CCDC102B: variants seen among roughly 807,000 people sequenced by gnomAD.
The protein encoded by CCDC102B is coiled-coil domain containing 102B.
Under a neutral mutation model 57.4 loss-of-function variants are expected in CCDC102B, and 75 were observed. The ratio of observed to expected loss-of-function variants is 1.31; its 90% confidence interval spans 1.08 to 1.58. The LOEUF (loss-of-function observed/expected upper bound fraction) is 1.58. Ranked by LOEUF, CCDC102B falls within the 40% of genes most tolerant of loss-of-function variation. The probability of loss-of-function intolerance (pLI) is 0.00; values close to 1 mark genes in which losing one functional copy is unlikely to be tolerated. For synonymous variants in CCDC102B, 206 were observed against 201.9 expected (o/e 1.02, Z -0.17); for missense variants, 636 against 582.6 (o/e 1.09, Z -0.94).
chr18:68,836,867 C>G lies in CCDC102B; in HGVS notation c.104C>G (p.Pro35Arg), dbSNP rs1197825566. Reference sequence around the variant, plus strand: ...GGCGACATGGTGGCACCTGCCTCACCCCCCAGGGATACCTGTAATACCTGC... The same window carrying G: ...GGCGACATGGTGGCACCTGCCTCACGCCCCAGGGATACCTGTAATACCTGC... ...SRGDMVAPASPPRDTCNTCFP... is the reference protein window; with the variant it reads ...SRGDMVAPASRPRDTCNTCFP... Residue 35 changes from proline (P) to arginine (R), a missense_variant, in exon 2 of 8, where the codon CCC becomes CGC. Transcript: ENST00000360242. 6.2e-7 allele frequency: 1 copy of G among 1,614,048 alleles called. No individual in the cohort carries two copies. Among genetic ancestry groups the G allele is most frequent in the South Asian group, 1.1e-5 (1 of 91,080 alleles).
In CCDC102B at chr18:68,824,184, G is replaced by C. The variant is rs56773600; in HGVS notation, c.-15-12565G>C. Among the ~76,000 whole-genome samples, 1,351 of 152,186 alleles carry C rather than the reference G, an allele frequency of 8.9e-3. 23 individuals are homozygous for C. The highest frequency in any genetic ancestry group is 0.031 in the African/African-American group (1,282 of 41,538). The stretch of plus-strand genomic sequence containing the variant: ...TTTTCTTTTCGGAATTTTATAGTTT[G>C]AGGTCTTACATTTAAACCTTTAATC... On this transcript the variant is annotated intron_variant, in intron 1 of 7. Transcript: ENST00000360242.
chr18:68,963,608 A>G (rs113812796), intron 6 of CCDC102B, among the ~76,000 whole-genome samples: 12 of 151,758 alleles, frequency 7.9e-5, no homozygotes, highest in South Asian at 2.1e-4. Flanking sequence ...ACTGTTTTCT[A>G]TATTGGGATA....
chr18:68,728,717 A>C (rs752759173), intron 2 of CCDC102B, among the ~76,000 whole-genome samples: 2 of 152,224 alleles, frequency 1.3e-5, no homozygotes, highest in Non-Finnish European at 2.9e-5. Context: ...AATAAGGATC[A>C]ATAATATTCA....
intron 7 of CCDC102B, among the ~76,000 whole-genome samples, chr18:69,032,212 G>T (rs1318608887): frequency 6.6e-6 from 1 of 152,124 alleles, no homozygotes; most frequent in Non-Finnish European, 1.5e-5. Context: ...CCTTCTGAAA[G>T]CAGACATCTG....
chr18:68,715,249 C>G lies in CCDC102B; in HGVS notation c.-246C>G, dbSNP rs1188658667. 4 of 1,334,392 alleles carry G rather than the reference C, an allele frequency of 3.0e-6. No homozygotes were observed. In the Admixed American group the frequency reaches 1.1e-4, roughly 37 times the overall value. 82.7% of individuals were successfully genotyped at this position (1,334,392 alleles called of 1,614,324 possible). A position where few individuals can be genotyped will look rare whatever the true frequency, so the allele number is the denominator to read the frequency against. On this transcript the variant is annotated 5_prime_UTR_variant, in exon 1 of 4. Coordinates refer to the CCDC102B transcript ENST00000578970. ...TTTGCGCTCTCGGTGCCCCCCTCCA[C>G]GCCCAGGAGCGTGGGAACCCTGCTT...
At chr18:68,839,127 C>A (rs2037513831) in intron 3 of CCDC102B, 2 of 577,338 alleles carry the variant, frequency 3.5e-6, no homozygotes, top group Non-Finnish European at 6.1e-6. Flanking sequence ...GTTTTCCATT[C>A]TTTTAAGTTG....
intron 6 of CCDC102B, among the ~76,000 whole-genome samples, chr18:68,965,171 C>T (rs912742061): frequency 2.0e-5 from 3 of 151,896 alleles, no homozygotes; most frequent in African/African-American, 4.8e-5. Flanking sequence ...TCCTATCCTT[C>T]TAGGACTCCA....
At chr18:68,891,633 G>C (rs2040082427) in intron 5 of CCDC102B, among the ~76,000 whole-genome samples, 2 of 152,196 alleles carry the variant, frequency 1.3e-5, no homozygotes, top group African/African-American at 4.8e-5. Context: ...TGATCAAAGT[G>C]CTGGCAAGTT....
chr18:69,053,994 T>G, intron 7 of CCDC102B, 36 bp from the exon 8 acceptor site: 1 of 1,558,140 alleles, frequency 6.4e-7, no homozygotes, highest in Non-Finnish European at 8.7e-7. Flanking sequence ...ATAGAACACT[T>G]GAACCTAACT....
chr18:68,735,175 C>T (rs942374618), intron 2 of CCDC102B, among the ~76,000 whole-genome samples: 1 of 152,104 alleles, frequency 6.6e-6, no homozygotes, highest in Admixed American at 6.6e-5. Flanking sequence ...CCTCAGCCTC[C>T]TGAGTAACTG....
rs1003735708 is a variant in CCDC102B, at chr18:68,720,695, A to G, written c.-67+4101A>G. Among the ~76,000 whole-genome samples, 42 of 151,942 alleles carry G rather than the reference A, an allele frequency of 2.8e-4. 1 individual carries two copies. The highest frequency in any genetic ancestry group is 8.8e-5 in the Non-Finnish European group (6 of 68,036). On this transcript the variant is annotated intron_variant, in intron 2 of 3. Coordinates refer to the CCDC102B transcript ENST00000578970. ...TCCTTTCCTGCATAGATTTGTAAGCATTGCTACATGAAGCCCGGTGAGTCT... is the reference window on the plus strand; with the variant it reads ...TCCTTTCCTGCATAGATTTGTAAGCGTTGCTACATGAAGCCCGGTGAGTCT...
At chr18:69,006,293 G>A (rs1034200939) in intron 6 of CCDC102B, among the ~76,000 whole-genome samples, 5 of 152,018 alleles carry the variant, frequency 3.3e-5, no homozygotes, top group East Asian at 1.9e-4. Flanking sequence ...ACTATAACAC[G>A]TACGGAAAGA....
At chr18:68,717,788 T>C (rs1332208456) in intron 2 of CCDC102B, among the ~76,000 whole-genome samples, 2 of 152,252 alleles carry the variant, frequency 1.3e-5, no homozygotes, top group Non-Finnish European at 2.9e-5. Context: ...TTTGTGTATA[T>C]ATATACCTTG....
At chr18:68,795,279 A>G (rs1478031661), upstream of CCDC102B, among the ~76,000 whole-genome samples, 5 of 152,126 alleles carry the variant, frequency 3.3e-5, no homozygotes, top group Non-Finnish European at 7.4e-5. Flanking sequence ...GAGATTATTG[A>G]AAGATTTAAA....
At chr18:69,010,912 A>T in intron 6 of CCDC102B, 22 bp from the exon 7 acceptor site, 1 of 1,542,588 alleles carries the variant, frequency 6.5e-7, no homozygotes, top group Non-Finnish European at 8.8e-7. Context: ...TAAATAATGT[A>T]ATTTTTGTTT....
chr18:68,797,903 T>C (rs1204225350), upstream of CCDC102B, among the ~76,000 whole-genome samples: 2 of 152,086 alleles, frequency 1.3e-5, no homozygotes, highest in Non-Finnish European at 2.9e-5. Flanking sequence ...AATGGTTGTA[T>C]GGAAAGCTTT....
chr18:69,015,846 C>T (rs1045149095), intron 7 of CCDC102B, among the ~76,000 whole-genome samples: 3 of 151,884 alleles, frequency 2.0e-5, no homozygotes, highest in Middle Eastern at 3.4e-3. Flanking sequence ...TATAATGGCA[C>T]ATTTTTTTAT....
chr18:68,722,602 G>T (rs1429475489), intron 2 of CCDC102B, among the ~76,000 whole-genome samples: 3 of 152,062 alleles, frequency 2.0e-5, no homozygotes, highest in Non-Finnish European at 4.4e-5. Context: ...AAAAAGAAAA[G>T]GTGAAGAATT....
chr18:68,862,363 A>G (rs2038798659), intron 4 of CCDC102B, among the ~76,000 whole-genome samples: 1 of 152,232 alleles, frequency 6.6e-6, no homozygotes. Flanking sequence ...TGAAACAGGC[A>G]CTGAACCCTC....
Sources: allele counts gnomAD v4.1 joint callset (sites outside exome capture counted in the v4.1 genomes callset), GRCh38; gene constraint gnomAD v4.1.1; transcripts MANE v1.5; gene names NCBI Gene and HGNC (gene_info 2026-07-23, HGNC 2026-07-21).